The following NME4 variants were observed in gnomAD, a reference collection of about 807,000 sequenced individuals.
The protein encoded by NME4 is nucleoside diphosphate kinase D, mitochondrial.
A neutral mutation model predicts 16.4 loss-of-function variants in NME4; 21 were observed. The observed-to-expected ratio is 1.28, with a 90% CI of 0.91 to 1.84. The LOEUF is 1.84. Ranked by LOEUF, NME4 falls within the 40% of genes most tolerant of loss-of-function variation. The probability of loss-of-function intolerance (pLI) is 0.00; values close to 1 mark genes in which losing one functional copy is unlikely to be tolerated. For missense variants in NME4, 316 were observed against 261.3 expected, an observed-to-expected ratio of 1.21 and a Z score of -1.44; for synonymous variants, 132 against 107.5, an observed-to-expected ratio of 1.23 and a Z score of -1.41.
At chr16:397,791 T>C in intron 1 of NME4, 1 of 1,345,932 alleles carries the variant, frequency 7.4e-7, no homozygotes, top group South Asian at 1.5e-5. Context: ...TAGGCCAGAA[T>C]CTGACTGGGA....
intron 1 of NME4, chr16:398,504 A>AT: frequency 1.2e-6 from 1 of 847,618 alleles, no homozygotes; most frequent in Non-Finnish European, 1.6e-6. Flanking sequence ...GTCGTCATCC[A>AT]GAAGGGATGG....
At chr16:398,370 T>C (rs1487079126) in intron 1 of NME4, 14 of 1,270,232 alleles carry the variant, frequency 1.1e-5, no homozygotes, top group South Asian at 1.0e-4. Context: ...TTGTCCGTGT[T>C]TCCAGGGCTC....
In NME4 at chr16:399,142, T is replaced by C; in HGVS notation, c.225+19T>C. ...GCTGCAGGTAGTGGGACTCTGGGCT[T>C]GTGGGTGTCCCTGTGGGGATGGGGT... On this transcript the variant is annotated intron_variant, in intron 2 of 4. Transcript: ENST00000219479. 1.3e-6 allele frequency: 2 copies of C among 1,596,466 alleles called. No individual in the cohort carries two copies.
chr16:398,351 G>A (rs1043426725), intron 1 of NME4: 42 of 1,285,806 alleles, frequency 3.3e-5, no homozygotes, highest in Non-Finnish European at 4.3e-5. Flanking sequence ...TCAATCTTCA[G>A]GCCCCTTTTT....
chr16:397,890 T>C, intron 1 of NME4: 1 of 1,554,078 alleles, frequency 6.4e-7, no homozygotes, highest in Non-Finnish European at 8.7e-7. Flanking sequence ...GCTCCCTCCA[T>C]CGGCTCTGAA....
In NME4 at chr16:399,411, G is replaced by A. The variant is rs369925160; in HGVS notation, c.258G>A (p.Gln86=). The A allele has an allele frequency of 3.1e-6, 5 of 1,613,016 alleles. No individual in the cohort carries two copies. In the African/African-American group the frequency reaches 4.0e-5, roughly 13 times the overall value. The change falls in exon 3 of 5, where the codon CAG becomes CAA. Residue 86 remains glutamine, a synonymous_variant. Transcript: ENST00000219479. ...AGAGCGTCCTTGCCGAGCACTACCA[G>A]GACCTGCGGAGGAAGCCCTTCTACC... The part of the protein sequence containing the change: ...APESVLAEHY[Q]DLRRKPFYPA...
At chr16:398,475 G>A (rs1027629928) in intron 1 of NME4, 22 of 1,069,186 alleles carry the variant, frequency 2.1e-5, no homozygotes, top group South Asian at 4.9e-5. Flanking sequence ...GTGGAAAGTC[G>A]GGGCTTCAGA....
At chr16:399,160 G>T (rs1358572959) in intron 2 of NME4, 37 bp downstream of exon 2, 2 of 1,600,818 alleles carry the variant, frequency 1.2e-6, no homozygotes, top group South Asian at 1.1e-5. Context: ...TCCCTGTGGG[G>T]ATGGGGTTGG....
In NME4 at chr16:398,975, T is replaced by C. The variant is rs2054602910; in HGVS notation, c.92-15T>C. The stretch of plus-strand genomic sequence containing the variant: ...GGGTGAGGTGGCAGTGCCTCTGACC[T>C]CTTGCCTTTTGAAGGAGGGCCCTCC... On this transcript the variant is annotated splice_polypyrimidine_tract_variant and intron_variant, in intron 1 of 4. Transcript: ENST00000219479. 1.4e-5 allele frequency: 22 copies of C among 1,609,504 alleles called. No homozygotes were observed. Among genetic ancestry groups the C allele is most frequent in the Non-Finnish European group, 1.8e-5 (21 of 1,179,802 alleles).
At chr16:397,388 C>T in intron 1 of NME4, 75 bp downstream of exon 1, 1 of 549,234 alleles carries the variant, frequency 1.8e-6, no homozygotes, top group Non-Finnish European at 2.4e-6. Flanking sequence ...TTTGTGCGCG[C>T]ACGTGCGGGC....
intron 2 of NME4, 123 bp from the exon 3 acceptor site, chr16:399,256 T>C: frequency 7.0e-7 from 1 of 1,427,130 alleles, no homozygotes; most frequent in Non-Finnish European, 9.9e-7. Flanking sequence ...GGATCTATTC[T>C]GCGGTGGGGG....
chr16:399,507 G>C, intron 3 of NME4, 27 bp downstream of exon 3: 1 of 1,607,764 alleles, frequency 6.2e-7, no homozygotes. Context: ...GTGGTGGAAG[G>C]GCCTGTGGGT....
At chr16:399,145 G>C in intron 2 of NME4, 22 bp downstream of exon 2, 1 of 1,597,524 alleles carries the variant, frequency 6.3e-7, no homozygotes, top group African/African-American at 1.3e-5. Flanking sequence ...CTGGGCTTGT[G>C]GGTGTCCCTG....
intron 1 of NME4, chr16:398,390 G>A: frequency 1.6e-6 from 2 of 1,244,088 alleles, no homozygotes; most frequent in Non-Finnish European, 2.1e-6. Context: ...CACCTGGTGG[G>A]GAAAGTGTGT....
At chr16:397,927 C>CA in intron 1 of NME4, 1 of 1,550,318 alleles carries the variant, frequency 6.5e-7, no homozygotes, top group Non-Finnish European at 8.7e-7. Context: ...GCAATGCCCG[C>CA]ACCAGCCGCA....
intron 2 of NME4, 38 bp downstream of exon 2, chr16:399,161 A>T: frequency 5.6e-6 from 9 of 1,599,584 alleles, no homozygotes; most frequent in Non-Finnish European, 6.8e-6. Context: ...CCCTGTGGGG[A>T]TGGGGTTGGG....
At position 400,012 on chromosome 16, in the gene NME4, A is replaced by C. The variant is rs573431104; in HGVS notation, c.441-207A>C. 6.0e-5 allele frequency: 46 copies of C among 771,988 alleles called. No individual in the cohort carries two copies. In the African/African-American group the frequency reaches 7.5e-4, roughly 13 times the overall value. The allele number at this position is 771,988 out of a possible 1,614,324, so 47.8% of individuals were successfully genotyped here. ...ACTTGGGGGGAAATGAGGCTCCCAA[A>C]AGCTGGGGCCTGGGCGGGTCCACGA... On this transcript the variant is annotated intron_variant, in intron 4 of 4. Coordinates refer to ENST00000219479, the MANE Select transcript of NME4 (RefSeq NM_005009.3).
At chr16:398,937 T>C (rs570887273) in intron 1 of NME4, 53 bp from the exon 2 acceptor site, 2 of 1,601,604 alleles carry the variant, frequency 1.2e-6, no homozygotes, top group African/African-American at 2.7e-5. Flanking sequence ...ACCCGGGTCG[T>C]GGGGACGTGA....
chr16:397,267 C>CGGCCCGCGGGCCCCG lies in NME4; in HGVS notation c.52_66dup (p.Arg18_Pro22dup). On this transcript the variant is annotated inframe_insertion, in exon 1 of 5. Transcript: ENST00000219479. ...GCTCCGCGCTGCGGGGGCTGCGCTG[C>CGGCCCGCGGGCCCCG]GGCCCGCGGGCCCCGGGCCCGAGCC... The CGGCCCGCGGGCCCCG allele has an allele frequency of 2.9e-6, 3 of 1,051,320 alleles. No homozygotes were observed. Among genetic ancestry groups the CGGCCCGCGGGCCCCG allele is most frequent in the Non-Finnish European group, 3.4e-6 (3 of 874,978 alleles). The allele number at this position is 1,051,320 out of a possible 1,614,324, so 65.1% of individuals were successfully genotyped here.
Sources: allele counts gnomAD v4.1 joint callset, GRCh38; gene constraint gnomAD v4.1.1; transcripts MANE v1.5; gene names NCBI Gene and HGNC (gene_info 2026-07-23, HGNC 2026-07-21).